The following HS3ST2 variants were observed in gnomAD, a reference collection of about 807,000 sequenced individuals.
HS3ST2 encodes heparan sulfate glucosamine 3-O-sulfotransferase 2.
A neutral mutation model predicts 26.3 loss-of-function variants in HS3ST2; 17 were observed. The ratio of observed to expected loss-of-function variants is 0.65; its 90% CI spans 0.44 to 0.97. HS3ST2 has a LOEUF of 0.97. Ranked by LOEUF, HS3ST2 falls within the 50% of genes least tolerant of loss-of-function variation. The pLI, the probability that HS3ST2 is intolerant of heterozygous loss-of-function variation, is 0.00. For missense variants in HS3ST2, 402 were observed against 501.2 expected, an observed-to-expected ratio of 0.80 and a Z score of 1.89; for synonymous variants, 237 against 219.2, an observed-to-expected ratio of 1.08 and a Z score of -0.72.
rs117755932 is a variant in HS3ST2 at position 22,816,320 on chromosome 16, C to A, written c.485+1225C>A. ...TGCTGTTTTTATCTACAGCTTTAGGCAGTAGAGGTCATATGCATATTGGAC... is the reference window on the plus strand; with the variant it reads ...TGCTGTTTTTATCTACAGCTTTAGGAAGTAGAGGTCATATGCATATTGGAC... On this transcript the variant is annotated intron_variant, in intron 1 of 1. Transcript: ENST00000261374. 4.8e-3 allele frequency among the ~76,000 whole-genome samples: 727 copies of A among 152,234 alleles called. 5 individuals are homozygous for A. Among genetic ancestry groups the A allele is most frequent in the Admixed American group, 9.9e-3 (152 of 15,300 alleles).
intron 1 of HS3ST2, among the ~76,000 whole-genome samples, chr16:22,876,160 T>G (rs1222083861): frequency 6.6e-6 from 1 of 152,012 alleles, no homozygotes; most frequent in Non-Finnish European, 1.5e-5. Context: ...AGAGTCAGAG[T>G]CAATGGCCAT....
At chr16:22,912,053 G>T (rs1348241090) in intron 1 of HS3ST2, among the ~76,000 whole-genome samples, 2 of 152,162 alleles carry the variant, frequency 1.3e-5, no homozygotes, top group African/African-American at 4.8e-5. Context: ...AGCCAGGGGA[G>T]TTTGAGGCAG....
At chr16:22,820,093 C>T (rs1900966594) in intron 1 of HS3ST2, among the ~76,000 whole-genome samples, 1 of 152,196 alleles carries the variant, frequency 6.6e-6, no homozygotes, top group South Asian at 2.1e-4. Context: ...AGACTTAGGC[C>T]TTTATACAGA....
Position 22,887,707 on chromosome 16 carries a change from A to G in HS3ST2, c.486-27237A>G, listed in dbSNP as rs551798419. On this transcript the variant is annotated intron_variant, in intron 1 of 1. Coordinates refer to ENST00000261374, the MANE Select transcript of HS3ST2 (RefSeq NM_006043.2). Reference sequence around the variant, plus strand: ...TCAGTAGGGGCATGCTTGGCCCATGAAGGCCGAGGTGGGAGGATCGCTTGA... The same window carrying G: ...TCAGTAGGGGCATGCTTGGCCCATGGAGGCCGAGGTGGGAGGATCGCTTGA... 2.6e-5 allele frequency among the ~76,000 whole-genome samples: 4 copies of G among 152,020 alleles called. No homozygotes were observed. The South Asian group carries it at 8.3e-4, about 32-fold the overall frequency.
At chr16:22,841,581 C>G (rs1901356991) in intron 1 of HS3ST2, among the ~76,000 whole-genome samples, 1 of 152,202 alleles carries the variant, frequency 6.6e-6, no homozygotes, top group Non-Finnish European at 1.5e-5. Flanking sequence ...AACCTTAGCA[C>G]ACTAATTCCT....
intron 1 of HS3ST2, among the ~76,000 whole-genome samples, chr16:22,897,441 T>C (rs1262773891): frequency 6.6e-6 from 1 of 152,188 alleles, no homozygotes; most frequent in African/African-American, 2.4e-5. Flanking sequence ...CCAATATTGT[T>C]TTGAGTCAGA....
At chr16:22,899,324 C>G (rs957348392) in intron 1 of HS3ST2, among the ~76,000 whole-genome samples, 5 of 152,100 alleles carry the variant, frequency 3.3e-5, no homozygotes, top group Admixed American at 2.0e-4. Flanking sequence ...CATACTCAGC[C>G]TAGTGCTGGG....
intron 1 of HS3ST2, among the ~76,000 whole-genome samples, chr16:22,856,162 G>A (rs77947269): frequency 0.017 from 2,598 of 152,276 alleles, 36 homozygotes; most frequent in Middle Eastern, 0.041. Flanking sequence ...GCTCAGCAGG[G>A]ATTCCATGTG....
intron 1 of HS3ST2, among the ~76,000 whole-genome samples, chr16:22,862,493 C>T (rs2238484): frequency 0.32 from 48,185 of 152,072 alleles, 11,812 homozygotes; most frequent in African/African-American, 0.67. Context: ...GTTACCTGCC[C>T]GGCTCCTGCA....
intron 1 of HS3ST2, among the ~76,000 whole-genome samples, chr16:22,820,288 C>T (rs770813836): frequency 6.6e-6 from 1 of 152,172 alleles, no homozygotes; most frequent in Middle Eastern, 3.2e-3. Flanking sequence ...GAATGGGCAA[C>T]AAGAATTGTC....
At chr16:22,893,630 TTTTC>T in intron 1 of HS3ST2, among the ~76,000 whole-genome samples, 1 of 37,692 alleles carries the variant, frequency 2.7e-5, no homozygotes, top group Non-Finnish European at 5.0e-5. Context: ...TCTTTTTTTC[TTTTC>T]TTTTTTTTTT....
At position 22,814,206 on chromosome 16, in the gene HS3ST2, G is replaced by C. The variant is rs1451790777; in HGVS notation, c.-405G>C. 1 of 175,048 alleles carries C rather than the reference G, an allele frequency of 5.7e-6. No homozygotes were observed. Among genetic ancestry groups the C allele is most frequent in the Admixed American group, 6.3e-5 (1 of 15,848 alleles). 10.8% of individuals were successfully genotyped at this position (175,048 alleles called of 1,614,324 possible). A position where few individuals can be genotyped will look rare whatever the true frequency, so the allele number is the denominator to read the frequency against. On this transcript the variant is annotated 5_prime_UTR_variant, in exon 1 of 2. Transcript: ENST00000261374. The stretch of plus-strand genomic sequence containing the variant: ...GATCGCGGCCGGCGCCAGCGCCACC[G>C]TCCGGTCCACCCGCCAGCCCGCACA...
chr16:22,896,084 C>A (rs540207761), intron 1 of HS3ST2, among the ~76,000 whole-genome samples: 1 of 151,844 alleles, frequency 6.6e-6, no homozygotes, highest in Admixed American at 6.6e-5. Context: ...GTAGCTGGGA[C>A]AAGAGGTGCA....
chr16:22,850,895 A>G (rs541686442), intron 1 of HS3ST2, among the ~76,000 whole-genome samples: 1 of 152,312 alleles, frequency 6.6e-6, no homozygotes, highest in South Asian at 2.1e-4. Context: ...CTGGGCTGTA[A>G]CCATCTGAGG....
intron 1 of HS3ST2, among the ~76,000 whole-genome samples, chr16:22,856,893 C>T (rs753058120): frequency 3.8e-4 from 58 of 152,282 alleles, no homozygotes; most frequent in African/African-American, 1.2e-3. Context: ...GGCTTTTCCA[C>T]GCTCAGATCT....
intron 1 of HS3ST2, among the ~76,000 whole-genome samples, chr16:22,880,997 A>G (rs2141196907): frequency 6.6e-6 from 1 of 152,360 alleles, no homozygotes; most frequent in East Asian, 1.9e-4. Context: ...CTGGACTTTC[A>G]AAGTATGTGT....
intron 1 of HS3ST2, among the ~76,000 whole-genome samples, chr16:22,855,310 A>G (rs1901574036): frequency 6.6e-6 from 1 of 152,078 alleles, no homozygotes; most frequent in Admixed American, 6.6e-5. Context: ...GGTTTTTGCA[A>G]GTTGAGGGGT....
intron 1 of HS3ST2, among the ~76,000 whole-genome samples, chr16:22,853,226 T>C (rs966419336): frequency 3.3e-5 from 5 of 152,102 alleles, no homozygotes; most frequent in African/African-American, 1.2e-4. Flanking sequence ...TCTACCCTAT[T>C]CTGTCTCCTA....
intron 1 of HS3ST2, among the ~76,000 whole-genome samples, chr16:22,873,043 A>T (rs1901859702): frequency 6.6e-6 from 1 of 152,224 alleles, no homozygotes; most frequent in Non-Finnish European, 1.5e-5. Context: ...AAGTGATGAT[A>T]ACAATATTTA....
Sources: allele counts gnomAD v4.1 joint callset (sites outside exome capture counted in the v4.1 genomes callset), GRCh38; gene constraint gnomAD v4.1.1; transcripts MANE v1.5; gene names NCBI Gene and HGNC (gene_info 2026-07-23, HGNC 2026-07-21).